Variants in MYO3A observed in about 807,000 individuals in gnomAD.
The protein encoded by MYO3A is myosin-IIIa.
Under a neutral mutation model 192.7 loss-of-function variants are expected in MYO3A, and 180 were observed. That is an observed-to-expected ratio of 0.93 (90% CI 0.83 to 1.06). The LOEUF is 1.06. Ranked by LOEUF, MYO3A falls within the 50% of genes least tolerant of loss-of-function variation. The pLI, the probability that MYO3A is intolerant of heterozygous loss-of-function variation, is 0.00. For missense variants in MYO3A, 1,896 were observed against 1,905.0 expected (o/e 1.00, Z 0.09); for synonymous variants, 628 against 645.3 (o/e 0.97, Z 0.41).
chr10:25,978,720 A>C (rs938107887), intron 4 of MYO3A, among the ~76,000 whole-genome samples: 1 of 152,238 alleles, frequency 6.6e-6, no homozygotes. Flanking sequence ...GGAAATTACT[A>C]TCTTAGTTGA....
At chr10:25,959,433 C>G (rs1006033759) in intron 4 of MYO3A, among the ~76,000 whole-genome samples, 1 of 152,040 alleles carries the variant, frequency 6.6e-6, no homozygotes, top group Non-Finnish European at 1.5e-5. Context: ...CTGAGCAGTC[C>G]ACACTTTTGA....
intron 17 of MYO3A, among the ~76,000 whole-genome samples, chr10:26,114,008 T>C (rs1031963836): frequency 3.3e-5 from 5 of 152,206 alleles, no homozygotes; most frequent in African/African-American, 1.2e-4. Flanking sequence ...CAAATGCTGA[T>C]TGCAGAGCAT....
At chr10:26,129,546 T>C (rs2131756056) in intron 20 of MYO3A, among the ~76,000 whole-genome samples, 1 of 152,316 alleles carries the variant, frequency 6.6e-6, no homozygotes, top group African/African-American at 2.4e-5. Flanking sequence ...TGCTTATCTC[T>C]GTAGCATGGT....
Position 26,174,382 on chromosome 10 carries a change from CT to C in MYO3A, c.4122del (p.Phe1374LeufsTer13), listed in dbSNP as rs1258622369. 10 of 1,614,044 alleles carry C rather than the reference CT, an allele frequency of 6.2e-6. No homozygotes were observed. In the African/African-American group the frequency reaches 1.3e-4, roughly 22 times the overall value. ...RQQLRKDKMS[S>X]FKHQRIVTTP... ...CAGTTGAGGAAGGACAAGATGTCTT[CT>C]TTTAAGCATCAGAGGATTGTCACAA... On this transcript the variant is annotated frameshift_variant, in exon 30 of 35. Transcript: ENST00000642920. LOFTEE classifies it high-confidence loss of function.
At chr10:26,096,730 A>G (rs1447951646) in intron 17 of MYO3A, 48 bp downstream of exon 17, 2 of 1,280,792 alleles carry the variant, frequency 1.6e-6, no homozygotes, top group South Asian at 1.2e-5. Context: ...TCTTTTTATC[A>G]TCACTAATGT....
intron 11 of MYO3A, 138 bp downstream of exon 11, chr10:26,067,212 T>C: frequency 1.6e-6 from 1 of 642,184 alleles, no homozygotes; most frequent in South Asian, 1.8e-5. Flanking sequence ...TCTGCCCATG[T>C]CTCCCATCTG....
chr10:26,205,612 T>TC (rs991457738), intron 34 of MYO3A, among the ~76,000 whole-genome samples: 1 of 118,708 alleles, frequency 8.4e-6, no homozygotes, highest in Non-Finnish European at 1.8e-5. Context: ...TCTTTTCTTT[T>TC]TTTTTTTTTT....
intron 10 of MYO3A, among the ~76,000 whole-genome samples, chr10:26,055,246 T>C (rs1270439355): frequency 8.5e-5 from 13 of 152,118 alleles, no homozygotes; most frequent in Non-Finnish European, 1.9e-4. Flanking sequence ...TGCCCACACC[T>C]TCATAAAGAC....
At chr10:26,158,169 G>C (rs1841259549) in intron 26 of MYO3A, among the ~76,000 whole-genome samples, 1 of 152,114 alleles carries the variant, frequency 6.6e-6, no homozygotes, top group Non-Finnish European at 1.5e-5. Flanking sequence ...TTTGGAAGAT[G>C]AAACAATTAG....
chr10:26,136,523 TA>T (rs1839855145), intron 20 of MYO3A, among the ~76,000 whole-genome samples: 1 of 152,238 alleles, frequency 6.6e-6, no homozygotes, highest in African/African-American at 2.4e-5. Flanking sequence ...AGAATCTTTT[TA>T]AAACTTTGGG....
intron 20 of MYO3A, among the ~76,000 whole-genome samples, chr10:26,130,558 T>A (rs1403907096): frequency 6.6e-6 from 1 of 152,074 alleles, no homozygotes; most frequent in Non-Finnish European, 1.5e-5. Context: ...ACTCAAAATT[T>A]CCCCCAACAA....
At chr10:26,030,022 C>G (rs970603219) in intron 10 of MYO3A, among the ~76,000 whole-genome samples, 3 of 152,146 alleles carry the variant, frequency 2.0e-5, no homozygotes, top group Non-Finnish European at 4.4e-5. Context: ...TCTTATGTCT[C>G]TCCATCCTGC....
At chr10:26,121,705 C>T (rs1341339365) in intron 18 of MYO3A, among the ~76,000 whole-genome samples, 3 of 152,164 alleles carry the variant, frequency 2.0e-5, no homozygotes, top group Non-Finnish European at 4.4e-5. Context: ...GAGCCGAGAT[C>T]GTGCCACTGC....
In MYO3A at chr10:26,007,911, G is replaced by A. The variant is rs1263207895; in HGVS notation, c.509-8909G>A. On this transcript the variant is annotated intron_variant, in intron 6 of 34. Transcript: ENST00000642920. Reference sequence around the variant, plus strand: ...ACAGTTCATATGGCACCAAAAAAGAGCCTGCATCGCTAAGTCAATCCTAAG... The same window carrying A: ...ACAGTTCATATGGCACCAAAAAAGAACCTGCATCGCTAAGTCAATCCTAAG... Among the ~76,000 whole-genome samples the A allele has an allele frequency of 5.3e-5, 8 of 152,068 alleles. No individual in the cohort carries two copies. In the East Asian group the frequency reaches 1.3e-3, roughly 26 times the overall value.
chr10:26,209,400 A>G (rs1274058170), intron 34 of MYO3A, among the ~76,000 whole-genome samples: 1 of 152,118 alleles, frequency 6.6e-6, no homozygotes, highest in Non-Finnish European at 1.5e-5. Context: ...CCCCCCCTAC[A>G]ACCACCCATT....
At chr10:25,943,795 T>C (rs1370834898) in intron 2 of MYO3A, among the ~76,000 whole-genome samples, 1 of 151,742 alleles carries the variant, frequency 6.6e-6, no homozygotes, top group East Asian at 1.9e-4. Context: ...TGTGTGTGTG[T>C]GTGTGTGTGA....
intron 31 of MYO3A, among the ~76,000 whole-genome samples, chr10:26,181,698 G>A (rs1842624924): frequency 6.6e-6 from 1 of 151,106 alleles, no homozygotes; most frequent in African/African-American, 2.4e-5. Flanking sequence ...ATAACAAAGT[G>A]CTAATGTAAT....
At chr10:26,168,926 C>G (rs1841905656) in intron 28 of MYO3A, 52 bp downstream of exon 28, 2 of 1,537,772 alleles carry the variant, frequency 1.3e-6, no homozygotes, top group East Asian at 2.3e-5. Flanking sequence ...TCTTATAATA[C>G]TTCTTACAGG....
chr10:26,124,867 A>T (rs1295752762), intron 18 of MYO3A, among the ~76,000 whole-genome samples: 1 of 152,228 alleles, frequency 6.6e-6, no homozygotes, highest in Non-Finnish European at 1.5e-5. Flanking sequence ...GTAGGATGAT[A>T]TGTACATGAA....
Sources: allele counts gnomAD v4.1 joint callset (sites outside exome capture counted in the v4.1 genomes callset), GRCh38; gene constraint gnomAD v4.1.1; transcripts MANE v1.5; gene names NCBI Gene and HGNC (gene_info 2026-07-23, HGNC 2026-07-21).